RUBCN: variants seen among roughly 807,000 people sequenced by gnomAD.
RUBCN encodes run domain Beclin-1-interacting and cysteine-rich domain-containing protein.
RUBCN carries 74 observed loss-of-function variants against 113.2 expected under a neutral mutation model. The ratio of observed to expected loss-of-function variants is 0.65; its 90% CI spans 0.54 to 0.79. RUBCN has a LOEUF of 0.79. Ranked by LOEUF, RUBCN falls within the 30% of genes least tolerant of loss-of-function variation. The pLI, the probability that RUBCN is intolerant of heterozygous loss-of-function variation, is 0.00. For missense variants in RUBCN, 1,109 were observed against 1,251.7 expected, an observed-to-expected ratio of 0.89 and a Z score of 1.72; for synonymous variants, 480 against 490.0, an observed-to-expected ratio of 0.98 and a Z score of 0.27.
At chr3:197,723,563 A>G (rs1409074174) in intron 1 of RUBCN, among the ~76,000 whole-genome samples, 1 of 152,168 alleles carries the variant, frequency 6.6e-6, no homozygotes, top group Non-Finnish European at 1.5e-5. Context: ...AACAAAACCT[A>G]TACTTTAACT....
At chr3:197,730,964 G>A (rs570723018) in intron 1 of RUBCN, among the ~76,000 whole-genome samples, 15 of 139,400 alleles carry the variant, frequency 1.1e-4, no homozygotes, top group East Asian at 2.0e-4. Context: ...TGCTCAGTGC[G>A]GGCATTATTA....
At position 197,700,969 on chromosome 3, in the gene RUBCN, G is replaced by C; in HGVS notation, c.905C>G (p.Pro302Arg). The C allele has an allele frequency of 6.2e-7, 1 of 1,614,148 alleles. No homozygotes were observed. Among genetic ancestry groups the C allele is most frequent in the Non-Finnish European group, 8.5e-7 (1 of 1,180,042 alleles). The change falls in exon 7 of 20, where the codon CCC becomes CGC. Residue 302 changes from proline (P) to arginine (R), a missense_variant. By Grantham distance (103) the Pro-to-Arg change is moderately radical. Transcript: ENST00000296343. ...GCTGCTGACCCAGGATGCCTCTATG[G>C]GGCTGGTCAGAGTACTGGAGCTCAT... The part of the protein sequence containing the change: ...NEMSSSTLTS[P>R]IEASWVSSQN...
chr3:197,738,488 A>C (rs1728348494), upstream of RUBCN, among the ~76,000 whole-genome samples: 1 of 152,240 alleles, frequency 6.6e-6, no homozygotes, highest in African/African-American at 2.4e-5. Flanking sequence ...TTTAGGTTAA[A>C]AAAATACTCT....
At chr3:197,700,113 ATGCGGCCGTCAGCCCCACCGACTCAGT>A (rs1723474267) in intron 7 of RUBCN, among the ~76,000 whole-genome samples, 1 of 152,156 alleles carries the variant, frequency 6.6e-6, no homozygotes, top group African/African-American at 2.4e-5. Context: ...TGAATCAGTG[ATGCGGCCGTCAGCCCCACCGACTCAGT>A]TGCTGGATCG....
intron 1 of RUBCN, among the ~76,000 whole-genome samples, chr3:197,720,991 A>G (rs1023385915): frequency 6.6e-6 from 1 of 151,460 alleles, no homozygotes; most frequent in East Asian, 1.9e-4. Flanking sequence ...ATTTTTTTTT[A>G]ATGTGCAGCG....
At position 197,668,955 on chromosome 3, in the gene RUBCN, C is replaced by T. The variant is rs1227266093; in HGVS notation, c.*6063G>A. Among the ~76,000 whole-genome samples the T allele has an allele frequency of 6.6e-6, 1 of 152,150 alleles. No individual in the cohort carries two copies. The highest frequency in any genetic ancestry group is 2.4e-5 in the African/African-American group (1 of 41,412). On this transcript the variant is annotated 3_prime_UTR_variant, in exon 20 of 20. Coordinates refer to ENST00000296343, the MANE Select transcript of RUBCN (RefSeq NM_014687.4). The stretch of plus-strand genomic sequence containing the variant: ...AGGAAAAAATACTCCACAATGCCAC[C>T]ATTCTAACAGAACCACACTAATTTT...
chr3:197,680,632 A>C (rs2108846857), intron 16 of RUBCN, among the ~76,000 whole-genome samples: 1 of 152,334 alleles, frequency 6.6e-6, no homozygotes, highest in Non-Finnish European at 1.5e-5. Flanking sequence ...CTGGCTTCAG[A>C]GTGCCCTCTA....
Position 197,736,759 on chromosome 3 carries a change from C to T in RUBCN, c.-40G>A. On this transcript the variant is annotated 5_prime_UTR_variant, in exon 1 of 20. Transcript: ENST00000296343. The stretch of plus-strand genomic sequence containing the variant: ...CCGCCTCTTCGCCCAAGAGAGGCGT[C>T]CCTGCCGCTTCGCCCTTCAGGGCTC... 1 of 1,525,480 alleles carries T rather than the reference C, an allele frequency of 6.6e-7. No homozygotes were observed. The highest frequency in any genetic ancestry group is 8.7e-7 in the Non-Finnish European group (1 of 1,143,072). The allele number at this position is 1,525,480 out of a possible 1,614,324, so 94.5% of individuals were successfully genotyped here. A position where few individuals can be genotyped will look rare whatever the true frequency, so the allele number is the denominator to read the frequency against.
chr3:197,730,344 A>T (rs1240635369), intron 1 of RUBCN, among the ~76,000 whole-genome samples: 1 of 152,142 alleles, frequency 6.6e-6, no homozygotes, highest in Non-Finnish European at 1.5e-5. Context: ...AACTCAAGTC[A>T]GTCCAAAAAG....
chr3:197,676,682 C>T (rs1343218772), intron 18 of RUBCN: 80 of 1,433,036 alleles, frequency 5.6e-5, no homozygotes, highest in Non-Finnish European at 7.2e-5. Context: ...GCACCAGCTC[C>T]TCCCCTCACT....
In RUBCN at chr3:197,676,963, A is replaced by G. The variant is rs201959457; in HGVS notation, c.2568T>C (p.Thr856=). 6.2e-7 allele frequency: 1 copy of G among 1,614,192 alleles called. No homozygotes were observed. The highest frequency in any genetic ancestry group is 1.3e-5 in the African/African-American group (1 of 75,040). The change falls in exon 18 of 20, where the codon ACT becomes ACC. Residue 856 remains threonine (T), a synonymous_variant. Coordinates refer to ENST00000296343, the MANE Select transcript of RUBCN (RefSeq NM_014687.4). ...GCCCCAGCTCCCCCTTCCTGGTCGC[A>G]GTCAGGTCATTCAGTGAGTACAGGT... ...DLHLYSLNDL[T]ATRKGELGPR...
At chr3:197,732,255 G>C (rs1560473806) in intron 1 of RUBCN, among the ~76,000 whole-genome samples, 1 of 152,202 alleles carries the variant, frequency 6.6e-6, no homozygotes, top group South Asian at 2.1e-4. Context: ...GCATGGCCAA[G>C]GCGGTCTAGG....
intron 16 of RUBCN, among the ~76,000 whole-genome samples, chr3:197,679,436 T>G (rs546039910): frequency 7.5e-6 from 1 of 133,384 alleles, no homozygotes; most frequent in Non-Finnish European, 1.6e-5. Flanking sequence ...ACAACTGGCT[T>G]CAGACTGTCC....
At position 197,700,629 on chromosome 3, in the gene RUBCN, G is replaced by A; in HGVS notation, c.1245C>T (p.Ala415=). The A allele has an allele frequency of 6.2e-7, 1 of 1,614,124 alleles. No individual in the cohort carries two copies. The highest frequency in any genetic ancestry group is 8.5e-7 in the Non-Finnish European group (1 of 1,180,034). ...HIRSHSDTSI[A]SRGAPESCND... is the part of the protein sequence containing the mutation. The stretch of plus-strand genomic sequence containing the variant: ...CCTCATTACCTGGAGCTCCCCTGGA[G>A]GCAATGCTGGTATCCGAATGGGAGC... The change falls in exon 7 of 20, where the codon GCC becomes GCT. Residue 415 remains alanine (A), a synonymous_variant. Transcript: ENST00000296343.
intron 7 of RUBCN, among the ~76,000 whole-genome samples, chr3:197,699,634 G>A (rs1201778936): frequency 6.6e-6 from 1 of 152,138 alleles, no homozygotes; most frequent in Non-Finnish European, 1.5e-5. Flanking sequence ...TTGATTTGGA[G>A]ATTCTTCTCC....
intron 1 of RUBCN, among the ~76,000 whole-genome samples, chr3:197,730,715 A>C (rs1312987540): frequency 2.6e-5 from 4 of 151,966 alleles, no homozygotes; most frequent in African/African-American, 9.6e-5. Context: ...GGGGGTTGAA[A>C]GGAAACAGTG....
chr3:197,719,371 G>A (rs13088360), intron 1 of RUBCN, among the ~76,000 whole-genome samples: 2 of 151,594 alleles, frequency 1.3e-5, no homozygotes, highest in African/African-American at 4.9e-5. Context: ...CCAGCTACTC[G>A]GGAGACTGAG....
chr3:197,706,609 A>G (rs974217292), intron 2 of RUBCN, among the ~76,000 whole-genome samples: 5 of 152,036 alleles, frequency 3.3e-5, no homozygotes, highest in Non-Finnish European at 5.9e-5. Context: ...ACAAGAGCCC[A>G]GGAGGCAGAG....
chr3:197,717,210 A>G (rs535686033), intron 2 of RUBCN, among the ~76,000 whole-genome samples: 213 of 152,086 alleles, frequency 1.4e-3, no homozygotes, highest in African/African-American at 4.4e-3. Context: ...CAAGGTGGGC[A>G]GATCACAAGG....
Sources: gnomAD v4.1 joint callset for allele counts (sites outside exome capture counted in the v4.1 genomes callset) on GRCh38, gnomAD v4.1.1 for gene constraint, MANE v1.5 for transcripts, NCBI Gene and HGNC (gene_info 2026-07-23, HGNC 2026-07-21) for gene names.